Variants in CMTM7 observed in about 807,000 individuals in gnomAD.
The protein encoded by CMTM7 is CKLF-like MARVEL transmembrane domain-containing protein 7.
In CMTM7, 7 loss-of-function variants were observed where a neutral mutation model predicts 19.3. The observed-to-expected ratio is 0.36, with a 90% CI of 0.21 to 0.68. The LOEUF (loss-of-function observed/expected upper bound fraction) is 0.68, where lower values mean the gene tolerates loss of function less well. CMTM7 is among the 30% of genes least tolerant of loss of function. The probability of loss-of-function intolerance (pLI) is 0.60; values close to 1 mark genes in which losing one functional copy is unlikely to be tolerated. For missense variants in CMTM7, 193 were observed against 232.6 expected (o/e 0.83, Z 1.11); for synonymous variants, 87 against 99.3 (o/e 0.88, Z 0.74).
At chr3:32,401,100 G>A (rs1575108329) in intron 1 of CMTM7, among the ~76,000 whole-genome samples, 1 of 152,146 alleles carries the variant, frequency 6.6e-6, no homozygotes, top group African/African-American at 2.4e-5. Flanking sequence ...CATATTTTTG[G>A]TGTCTGATGA....
chr3:32,443,123 G>A (rs369060071), intron 2 of CMTM7, among the ~76,000 whole-genome samples: 4 of 152,222 alleles, frequency 2.6e-5, no homozygotes, highest in East Asian at 3.9e-4. Flanking sequence ...TTTAGAGACA[G>A]GGTCTCACTC....
At chr3:32,400,399 CTTTT>C (rs11425160) in intron 1 of CMTM7, among the ~76,000 whole-genome samples, 8 of 116,568 alleles carry the variant, frequency 6.9e-5, no homozygotes, top group African/African-American at 2.8e-4. Flanking sequence ...TCTTCTTCTT[CTTTT>C]TTTTTTTTTT....
chr3:32,422,689 C>CACTT (rs1348429710), intron 1 of CMTM7, among the ~76,000 whole-genome samples: 1 of 152,216 alleles, frequency 6.6e-6, no homozygotes, highest in African/African-American at 2.4e-5. Flanking sequence ...CAAATACAGA[C>CACTT]ACTTCTCAAC....
intron 1 of CMTM7, among the ~76,000 whole-genome samples, chr3:32,398,896 G>A: frequency 6.6e-6 from 1 of 152,062 alleles, no homozygotes; most frequent in Non-Finnish European, 1.5e-5. Flanking sequence ...GAGATGGGAG[G>A]ATCTCTTGGA....
At chr3:32,422,080 A>T (rs1696352673) in intron 1 of CMTM7, among the ~76,000 whole-genome samples, 1 of 152,224 alleles carries the variant, frequency 6.6e-6, no homozygotes, top group African/African-American at 2.4e-5. Flanking sequence ...GATGGAAGGC[A>T]AGCCTTTGGC....
chr3:32,439,957 C>T lies in CMTM7; in HGVS notation c.160-1883C>T, dbSNP rs534890927. The stretch of plus-strand genomic sequence containing the variant: ...CCCACTAAATGCCAGTAGCAACCCC[C>T]ATCCCCGCAAATTGTGTAAACCAAA... On this transcript the variant is annotated intron_variant, in intron 1 of 4. Coordinates refer to ENST00000334983, the MANE Select transcript of CMTM7 (RefSeq NM_138410.4). 2.6e-5 allele frequency among the ~76,000 whole-genome samples: 4 copies of T among 152,260 alleles called. No homozygotes were observed. In the East Asian group the frequency reaches 5.8e-4, roughly 22 times the overall value.
chr3:32,444,805 C>T (rs978355748), intron 2 of CMTM7, among the ~76,000 whole-genome samples: 16 of 152,104 alleles, frequency 1.1e-4, no homozygotes, highest in African/African-American at 3.9e-4. Flanking sequence ...GGCTGGAGTG[C>T]AGTGGCAAGA....
intron 1 of CMTM7, among the ~76,000 whole-genome samples, chr3:32,439,028 T>A (rs928132401): frequency 1.3e-4 from 20 of 152,208 alleles, no homozygotes; most frequent in African/African-American, 4.8e-4. Context: ...AGGAGGTCAT[T>A]GTGGGGCTGG....
chr3:32,416,340 C>T (rs2577823), intron 1 of CMTM7, among the ~76,000 whole-genome samples: 55,829 of 136,684 alleles, frequency 0.41, 11,769 homozygotes, highest in South Asian at 0.46. Flanking sequence ...GGATTACAGA[C>T]GTGCGCCACC....
chr3:32,436,712 G>A (rs1696602642), intron 1 of CMTM7, among the ~76,000 whole-genome samples: 1 of 152,102 alleles, frequency 6.6e-6, no homozygotes, highest in South Asian at 2.1e-4. Context: ...AAAAGGAAAG[G>A]TGTCTGGTGC....
At position 32,391,943 on chromosome 3, in the gene CMTM7, A is replaced by G; in HGVS notation, c.37A>G (p.Ser13Gly). The change falls in exon 1 of 5, where the codon AGC (serine) becomes GGC (glycine). Residue 13 changes from serine to glycine, a missense_variant. Ser to Gly is a moderately conservative substitution (Grantham distance 56, BLOSUM62 0). Coordinates refer to ENST00000334983, the MANE Select transcript of CMTM7 (RefSeq NM_138410.4). ...AGCCGGGCTCGTCCGCACCACGTGC[A>G]GCAGCGGCAGCGCGCTCGGACCCGG... ...HGAGLVRTTCSSGSALGPGAG... is the reference protein window; with the variant it reads ...HGAGLVRTTCGSGSALGPGAG... 1 of 1,229,004 alleles carries G rather than the reference A, an allele frequency of 8.1e-7. No individual in the cohort carries two copies. Among genetic ancestry groups the G allele is most frequent in the Non-Finnish European group, 1.0e-6 (1 of 985,704 alleles). 76.1% of individuals were successfully genotyped at this position (1,229,004 alleles called of 1,614,324 possible).
intron 3 of CMTM7, 96 bp from the exon 4 acceptor site, chr3:32,452,296 A>G (rs1057159508): frequency 6.4e-5 from 102 of 1,605,088 alleles, no homozygotes; most frequent in Non-Finnish European, 7.6e-5. Flanking sequence ...GGCCAGAGAC[A>G]TGAAGGGAAC....
chr3:32,412,659 G>A (rs1696196068), intron 1 of CMTM7, among the ~76,000 whole-genome samples: 1 of 151,286 alleles, frequency 6.6e-6, no homozygotes, highest in African/African-American at 2.4e-5. Flanking sequence ...ATATGAATAG[G>A]GAAACATTAA....
intron 1 of CMTM7, among the ~76,000 whole-genome samples, chr3:32,433,506 G>A (rs1696549816): frequency 6.6e-6 from 1 of 152,198 alleles, no homozygotes; most frequent in Non-Finnish European, 1.5e-5. Context: ...AGCCTGAATG[G>A]CACCCTCCGG....
intron 1 of CMTM7, among the ~76,000 whole-genome samples, chr3:32,392,683 C>T (rs562247303): frequency 9.2e-5 from 14 of 152,306 alleles, no homozygotes; most frequent in African/African-American, 3.4e-4. Flanking sequence ...TCTCAGGGGG[C>T]TCTGGAGGGC....
intron 1 of CMTM7, among the ~76,000 whole-genome samples, chr3:32,428,953 T>A (rs1696473700): frequency 6.6e-6 from 1 of 152,184 alleles, no homozygotes; most frequent in Admixed American, 6.5e-5. Flanking sequence ...CCACCAAGGC[T>A]CTGCGCTGGT....
intron 1 of CMTM7, among the ~76,000 whole-genome samples, chr3:32,417,749 G>A (rs1361914380): frequency 6.6e-6 from 1 of 151,968 alleles, no homozygotes; most frequent in Non-Finnish European, 1.5e-5. Flanking sequence ...TTTCTAGTTT[G>A]GGTTTTGCTT....
chr3:32,431,505 G>T (rs1012416372), intron 1 of CMTM7, among the ~76,000 whole-genome samples: 1 of 152,086 alleles, frequency 6.6e-6, no homozygotes, highest in African/African-American at 2.4e-5. Context: ...CAGTGTGAGG[G>T]AATCTGAGGC....
At chr3:32,442,189 T>G (rs1310573935) in intron 2 of CMTM7, among the ~76,000 whole-genome samples, 176 bp downstream of exon 2, 1 of 152,046 alleles carries the variant, frequency 6.6e-6, no homozygotes, top group Admixed American at 6.5e-5. Flanking sequence ...GTCCTGCTGG[T>G]TTTTAAAACT....
Sources: allele counts gnomAD v4.1 joint callset (sites outside exome capture counted in the v4.1 genomes callset), GRCh38; gene constraint gnomAD v4.1.1; transcripts MANE v1.5; gene names NCBI Gene and HGNC (gene_info 2026-07-23, HGNC 2026-07-21).